The following SOX5 variants were observed in gnomAD, a reference collection of about 807,000 sequenced individuals.
SOX5 encodes the protein transcription factor SOX-5.
A neutral mutation model predicts 92.0 loss-of-function variants in SOX5; 9 were observed. That is an observed-to-expected ratio of 0.10 (90% CI 0.06 to 0.17). The LOEUF (loss-of-function observed/expected upper bound fraction) is 0.17, where lower values mean the gene tolerates loss of function less well. SOX5 is among the 10% of genes least tolerant of loss of function. The pLI, the probability that SOX5 is intolerant of heterozygous loss-of-function variation, is 1.00. For synonymous variants in SOX5, 344 were observed against 336.3 expected (o/e 1.02, Z -0.25); for missense variants, 642 against 944.5 (o/e 0.68, Z 4.20).
At chr12:23,721,051 GTC>G (rs1428435868) in intron 6 of SOX5, among the ~76,000 whole-genome samples, 4 of 151,756 alleles carry the variant, frequency 2.6e-5, no homozygotes, top group African/African-American at 9.7e-5. Flanking sequence ...TATCTCTAAA[GTC>G]TGTTTTTCTA....
intron 4 of SOX5, among the ~76,000 whole-genome samples, chr12:24,002,702 T>A (rs9804738): frequency 0.071 from 10,827 of 152,006 alleles, 560 homozygotes; most frequent in African/African-American, 0.13. Context: ...ATTTCCACAA[T>A]GCAAAGCCCA....
intron 1 of SOX5, among the ~76,000 whole-genome samples, chr12:24,561,382 C>T (rs537049681): frequency 6.6e-6 from 1 of 152,334 alleles, no homozygotes; most frequent in Admixed American, 6.5e-5. Flanking sequence ...AATATAGTCG[C>T]TTTGCAAAGT....
At chr12:23,974,352 G>C (rs988749456) in intron 4 of SOX5, among the ~76,000 whole-genome samples, 1 of 151,872 alleles carries the variant, frequency 6.6e-6, no homozygotes, top group African/African-American at 2.4e-5. Flanking sequence ...TCTCTTTGAC[G>C]TACCAATATT....
intron 1 of SOX5, among the ~76,000 whole-genome samples, chr12:24,532,327 T>A (rs1301915177): frequency 6.6e-6 from 1 of 152,142 alleles, no homozygotes; most frequent in Non-Finnish European, 1.5e-5. Context: ...AACCAACTGA[T>A]TTGAAGCTAT....
chr12:24,314,828 C>A (rs1949552156), intron 2 of SOX5, among the ~76,000 whole-genome samples: 1 of 152,216 alleles, frequency 6.6e-6, no homozygotes, highest in African/African-American at 2.4e-5. Context: ...GCAGGGATGT[C>A]TCTTTGCTTT....
At chr12:23,573,251 C>T (rs1424798141) in intron 10 of SOX5, among the ~76,000 whole-genome samples, 1 of 152,058 alleles carries the variant, frequency 6.6e-6, no homozygotes, top group East Asian at 1.9e-4. Flanking sequence ...TATCACTTCC[C>T]AACACCAAAC....
intron 4 of SOX5, among the ~76,000 whole-genome samples, chr12:24,082,285 C>A (rs7303884): frequency 0.2 from 29,738 of 151,236 alleles, 3,362 homozygotes; most frequent in Middle Eastern, 0.35. Context: ...CTGTGAACCA[C>A]CATGTCTGTG....
At chr12:23,570,294 G>T (rs919569029) in intron 10 of SOX5, among the ~76,000 whole-genome samples, 1 of 152,160 alleles carries the variant, frequency 6.6e-6, no homozygotes, top group African/African-American at 2.4e-5. Flanking sequence ...ACCGGAATTA[G>T]ATAATACATG....
At chr12:23,836,888 C>G (rs1325094219) in intron 3 of SOX5, among the ~76,000 whole-genome samples, 3 of 151,684 alleles carry the variant, frequency 2.0e-5, no homozygotes, top group Non-Finnish European at 4.4e-5. Context: ...CTTTGCTTCC[C>G]TCATAGTCAT....
chr12:23,725,989 A>T (rs935364961), intron 6 of SOX5, among the ~76,000 whole-genome samples: 2 of 152,156 alleles, frequency 1.3e-5, no homozygotes, highest in African/African-American at 4.8e-5. Flanking sequence ...TTTTCCTTCA[A>T]GGGAAAACTA....
At chr12:23,751,735 T>C (rs1594031809) in intron 4 of SOX5, among the ~76,000 whole-genome samples, 1 of 151,890 alleles carries the variant, frequency 6.6e-6, no homozygotes, top group East Asian at 1.9e-4. Flanking sequence ...GTTCTAGAAG[T>C]GTTTGGTGTT....
Position 23,949,471 on chromosome 12 carries a change from A to T in SOX5, c.38+93T>A, listed in dbSNP as rs899142717. On this transcript the variant is annotated intron_variant, in intron 1 of 14. Coordinates refer to ENST00000451604, the MANE Select transcript of SOX5 (RefSeq NM_006940.6). ...CTAGCTAAAGGCTTCTCTAACAAAC[A>T]CGTTTTGGGGGAGCATCTTCCAATG... 5 of 1,486,114 alleles carry T rather than the reference A, an allele frequency of 3.4e-6. No individual in the cohort carries two copies. The African/African-American group carries it at 5.5e-5, about 16-fold the overall frequency. The allele number at this position is 1,486,114 out of a possible 1,614,324, so 92.1% of individuals were successfully genotyped here.
At chr12:23,542,688 T>G (rs1165384295) in intron 13 of SOX5, among the ~76,000 whole-genome samples, 5 of 152,224 alleles carry the variant, frequency 3.3e-5, no homozygotes, top group African/African-American at 1.2e-4. Flanking sequence ...CATCTTCTTG[T>G]GTTCTGAAAA....
At chr12:23,590,692 G>A (rs1450861690) in intron 9 of SOX5, among the ~76,000 whole-genome samples, 1 of 151,984 alleles carries the variant, frequency 6.6e-6, no homozygotes, top group Non-Finnish European at 1.5e-5. Flanking sequence ...TTCTACCAAA[G>A]TGTCCAGCAT....
intron 3 of SOX5, among the ~76,000 whole-genome samples, chr12:24,244,243 G>A (rs969337772): frequency 2.9e-4 from 44 of 152,190 alleles, no homozygotes; most frequent in Middle Eastern, 3.4e-3. Flanking sequence ...ATCCACGGGC[G>A]ATCGGCTACA....
At chr12:23,645,410 A>T (rs921299523) in intron 7 of SOX5, among the ~76,000 whole-genome samples, 3 of 152,228 alleles carry the variant, frequency 2.0e-5, no homozygotes, top group Non-Finnish European at 2.9e-5. Context: ...TTAATACTCC[A>T]ATCTTGAGAT....
intron 2 of SOX5, among the ~76,000 whole-genome samples, chr12:24,329,455 C>T (rs937510687): frequency 3.9e-5 from 6 of 152,086 alleles, no homozygotes; most frequent in African/African-American, 1.4e-4. Flanking sequence ...GAAAAGGCCC[C>T]CAAAGTCCAT....
At chr12:23,796,909 A>T (rs997220133) in intron 3 of SOX5, among the ~76,000 whole-genome samples, 22 of 146,624 alleles carry the variant, frequency 1.5e-4, no homozygotes, top group Non-Finnish European at 2.8e-4. Flanking sequence ...ATATATATTT[A>T]TATATATATA....
intron 7 of SOX5, among the ~76,000 whole-genome samples, chr12:23,664,888 G>A (rs11608816): frequency 0.078 from 11,861 of 152,180 alleles, 605 homozygotes; most frequent in Non-Finnish European, 0.11. Context: ...AAAGGAAGCC[G>A]GAGAAAGGGA....
Sources: allele counts gnomAD v4.1 joint callset (sites outside exome capture counted in the v4.1 genomes callset), GRCh38; gene constraint gnomAD v4.1.1; transcripts MANE v1.5; gene names NCBI Gene and HGNC (gene_info 2026-07-23, HGNC 2026-07-21).